TTLL7: variants seen among roughly 807,000 people sequenced by gnomAD.
TTLL7 encodes tubulin tyrosine ligase like 7.
Under a neutral mutation model 120.2 loss-of-function variants are expected in TTLL7, and 53 were observed. That is an observed-to-expected ratio of 0.44 (90% CI 0.35 to 0.55). TTLL7 has a LOEUF of 0.55. TTLL7 is among the 20% of genes least tolerant of loss of function. The pLI, the probability that TTLL7 is intolerant of heterozygous loss-of-function variation, is 0.00. For synonymous variants in TTLL7, 353 were observed against 351.7 expected, an observed-to-expected ratio of 1.00 and a Z score of -0.04; for missense variants, 803 against 1,054.7, an observed-to-expected ratio of 0.76 and a Z score of 3.31.
At chr1:83,997,798 C>G (rs994497628) in intron 1 of TTLL7, among the ~76,000 whole-genome samples, 11 of 152,174 alleles carry the variant, frequency 7.2e-5, no homozygotes, top group African/African-American at 2.4e-4. Context: ...GTTCTTCTTA[C>G]GTTTTTAATC....
intron 17 of TTLL7, 83 bp from the exon 18 acceptor site, chr1:83,904,242 A>G: frequency 1.0e-6 from 1 of 995,080 alleles, no homozygotes; most frequent in Non-Finnish European, 1.5e-6. Flanking sequence ...GCACTATAAT[A>G]TACTTGCAAC....
chr1:83,939,979 CT>C (rs1485231707), intron 7 of TTLL7, among the ~76,000 whole-genome samples: 1 of 152,082 alleles, frequency 6.6e-6, no homozygotes, highest in Non-Finnish European at 1.5e-5. Flanking sequence ...CTGTATTTCA[CT>C]TTTTAATATT....
intron 1 of TTLL7, among the ~76,000 whole-genome samples, chr1:83,973,009 A>C (rs924675060): frequency 6.6e-6 from 1 of 152,002 alleles, no homozygotes; most frequent in Non-Finnish European, 1.5e-5. Context: ...ATTTTCTCCC[A>C]GTATATGACC....
At chr1:83,976,430 C>T (rs1237452972) in intron 1 of TTLL7, among the ~76,000 whole-genome samples, 1 of 151,930 alleles carries the variant, frequency 6.6e-6, no homozygotes, top group African/African-American at 2.4e-5. Context: ...TCATTCTGAG[C>T]AAAACAAACA....
intron 18 of TTLL7, among the ~76,000 whole-genome samples, chr1:83,901,019 T>C (rs568207499): frequency 1.2e-4 from 18 of 152,166 alleles, no homozygotes; most frequent in African/African-American, 4.3e-4. Flanking sequence ...TCTTTCTATA[T>C]GCTTTGCCAT....
intron 18 of TTLL7, among the ~76,000 whole-genome samples, chr1:83,891,806 T>C (rs1655496637): frequency 7.0e-6 from 1 of 143,680 alleles, no homozygotes; most frequent in Non-Finnish European, 1.5e-5. Context: ...GTAAAAAATG[T>C]ACTAGAGACT....
chr1:83,965,905 C>CAT (rs1263460705), intron 1 of TTLL7, among the ~76,000 whole-genome samples: 1 of 152,074 alleles, frequency 6.6e-6, no homozygotes, highest in Admixed American at 6.6e-5. Flanking sequence ...GGTGAGAATG[C>CAT]TAACATCATT....
chr1:83,965,984 G>A (rs1476616262), intron 1 of TTLL7, among the ~76,000 whole-genome samples: 1 of 151,980 alleles, frequency 6.6e-6, no homozygotes, highest in Admixed American at 6.6e-5. Context: ...TATGAATAAA[G>A]GTAAATTCAT....
intron 10 of TTLL7, among the ~76,000 whole-genome samples, chr1:83,926,156 G>C (rs1259373736): frequency 2.6e-5 from 4 of 151,540 alleles, no homozygotes; most frequent in African/African-American, 9.7e-5. Context: ...GAGTGATTAG[G>C]TTTAACCTTT....
At chr1:83,875,311 T>C (rs1444881952) in intron 20 of TTLL7, among the ~76,000 whole-genome samples, 2 of 152,032 alleles carry the variant, frequency 1.3e-5, no homozygotes, top group Non-Finnish European at 2.9e-5. Context: ...TGTATCTGGC[T>C]TATTTTGCTT....
intron 1 of TTLL7, among the ~76,000 whole-genome samples, 188 bp from the exon 2 acceptor site, chr1:83,952,575 T>C (rs1447250407): frequency 6.6e-6 from 1 of 152,184 alleles, no homozygotes; most frequent in Non-Finnish European, 1.5e-5. Flanking sequence ...AAAGAATGCA[T>C]AGTCTAGGGG....
chr1:83,955,656 G>A (rs1407325049), intron 1 of TTLL7, among the ~76,000 whole-genome samples: 1 of 152,154 alleles, frequency 6.6e-6, no homozygotes, highest in Non-Finnish European at 1.5e-5. Context: ...TTGTTTATAA[G>A]TTATCCAATT....
At position 83,892,412 on chromosome 1, in the gene TTLL7, A is replaced by G. The variant is rs1655642935; in HGVS notation, c.2209-1931T>C. ...TATACGAATATATATGAACATATAT[A>G]TGAACATATATATGAACATATATAT... On this transcript the variant is annotated intron_variant, in intron 18 of 20. Coordinates refer to ENST00000260505, the MANE Select transcript of TTLL7 (RefSeq NM_024686.6). Among the ~76,000 whole-genome samples, 4 of 140,258 alleles carry G rather than the reference A, an allele frequency of 2.9e-5. 2 individuals carry two copies. The highest frequency in any genetic ancestry group is 1.0e-4 in the African/African-American group (4 of 39,788). The allele number at this position is 140,258 out of a possible 152,430, so 92.0% of individuals were successfully genotyped here. A position where few individuals can be genotyped will look rare whatever the true frequency, so the allele number is the denominator to read the frequency against.
chr1:83,872,411 T>C (rs1046330181), intron 20 of TTLL7, among the ~76,000 whole-genome samples: 1 of 152,232 alleles, frequency 6.6e-6, no homozygotes, highest in Non-Finnish European at 1.5e-5. Flanking sequence ...GGTGGGGTCA[T>C]GATGATTGAT....
Position 83,937,920 on chromosome 1 carries a change from T to C in TTLL7, c.820A>G (p.Ile274Val). 1 of 1,614,092 alleles carries C rather than the reference T, an allele frequency of 6.2e-7. No individual in the cohort carries two copies. The highest frequency in any genetic ancestry group is 1.7e-5 in the Admixed American group (1 of 60,012). Reference protein sequence around the residue: ...ETENKGSKRSIKWFTEFLQAN... With the variant: ...ETENKGSKRSVKWFTEFLQAN... The stretch of plus-strand genomic sequence containing the variant: ...TGAAGGAATTCTGTAAACCATTTGA[T>C]GGAACGTTTGCTGCCTTTGTTCTCA... Residue 274 changes from isoleucine (I) to valine (V), a missense_variant, in exon 8 of 21, where the codon ATC (isoleucine) becomes GTC (valine). This residue lies in a region of TTLL7 where 324 missense variants were observed against 507.7 expected (regional missense o/e 0.64). Coordinates refer to ENST00000260505, the MANE Select transcript of TTLL7 (RefSeq NM_024686.6).
chr1:83,929,297 T>C (rs529811710), intron 9 of TTLL7, 67 bp from the exon 10 acceptor site: 3 of 1,235,816 alleles, frequency 2.4e-6, no homozygotes, highest in Non-Finnish European at 3.5e-6. Context: ...GTTAATCCAA[T>C]GTGGGATCTC....
At chr1:83,897,837 C>CCCATTAT (rs1375003421) in intron 18 of TTLL7, among the ~76,000 whole-genome samples, 4 of 147,984 alleles carry the variant, frequency 2.7e-5, no homozygotes, top group South Asian at 2.1e-4. Flanking sequence ...GCTCTCTCTC[C>CCCATTAT]CCATTATCTT....
At position 83,933,594 on chromosome 1, in the gene TTLL7, A is replaced by G. The variant is rs749453549; in HGVS notation, c.1047+14T>C. On this transcript the variant is annotated intron_variant, in intron 9 of 20. Transcript: ENST00000260505. ...ACAGTGATAACTCTTCTTTTTTCTT[A>G]AAGAATGCCTTACCTCCAGAAGCCA... is the stretch of plus-strand genomic sequence containing the variant. 1 of 1,602,360 alleles carries G rather than the reference A, an allele frequency of 6.2e-7. No individual in the cohort carries two copies. The highest frequency in any genetic ancestry group is 1.8e-5 in the Admixed American group (1 of 56,730).
rs1246284636 is a variant in TTLL7 at position 83,968,991 on chromosome 1, T to C, written c.-176-16604A>G. On this transcript the variant is annotated intron_variant, in intron 1 of 20. Transcript: ENST00000260505. Reference sequence around the variant, plus strand: ...TCTTCTGAACATAGTAGGTACTCCATAAGTATTTCTCAAATGAAATTAATA... The same window carrying C: ...TCTTCTGAACATAGTAGGTACTCCACAAGTATTTCTCAAATGAAATTAATA... Among the ~76,000 whole-genome samples the C allele has an allele frequency of 2.6e-5, 4 of 151,990 alleles. No homozygotes were observed. In the South Asian group the frequency reaches 6.2e-4, roughly 24 times the overall value.
Sources: allele counts gnomAD v4.1 joint callset (sites outside exome capture counted in the v4.1 genomes callset), GRCh38; gene constraint gnomAD v4.1.1; regional missense constraint gnomAD v4.1.1; transcripts MANE v1.5; gene names NCBI Gene and HGNC (gene_info 2026-07-23, HGNC 2026-07-21).